The following ANKH variants were observed in gnomAD, a reference collection of about 807,000 sequenced individuals.
ANKH encodes the protein ANKH inorganic pyrophosphate transport regulator, also known as mineralization regulator ANKH.
A neutral mutation model predicts 49.0 loss-of-function variants in ANKH; 15 were observed. The observed-to-expected ratio is 0.31, with a 90% CI of 0.20 to 0.47. The LOEUF (loss-of-function observed/expected upper bound fraction) is 0.47. Ranked by LOEUF, ANKH falls within the 20% of genes least tolerant of loss-of-function variation. The pLI is 1.00. For synonymous variants in ANKH, 273 were observed against 260.0 expected (o/e 1.05, Z -0.48); for missense variants, 429 against 652.0 (o/e 0.66, Z 3.72).
chr5:14,746,112 G>A (rs958398357), intron 6 of ANKH, 150 bp from the exon 7 acceptor site: 30 of 709,784 alleles, frequency 4.2e-5, no homozygotes, highest in African/African-American at 1.4e-4. Flanking sequence ...AGCACAGGAC[G>A]GCCCAGGACG....
chr5:14,729,906 GC>G (rs1428904519), intron 8 of ANKH, among the ~76,000 whole-genome samples: 1 of 152,160 alleles, frequency 6.6e-6, no homozygotes, highest in Non-Finnish European at 1.5e-5. Context: ...CTCCTGAGTT[GC>G]TCTCTCTGCG....
chr5:14,797,655 T>C, intron 1 of ANKH: 1 of 1,600,824 alleles, frequency 6.2e-7, no homozygotes, highest in Middle Eastern at 2.3e-4. Flanking sequence ...CAGTTTCTGA[T>C]CATCAGCAAC....
chr5:14,853,433 C>T (rs1268641578), intron 1 of ANKH, among the ~76,000 whole-genome samples: 2 of 152,012 alleles, frequency 1.3e-5, no homozygotes, highest in Non-Finnish European at 2.9e-5. Flanking sequence ...AAAAATTAGC[C>T]GGGTGTGGCA....
At chr5:14,711,802 C>T (rs1240109911) in intron 11 of ANKH, among the ~76,000 whole-genome samples, 1 of 152,248 alleles carries the variant, frequency 6.6e-6, no homozygotes, top group Admixed American at 6.5e-5. Context: ...CACTTCCCTG[C>T]CATGTTGCCT....
At chr5:14,748,921 C>T (rs1738624239) in intron 6 of ANKH, among the ~76,000 whole-genome samples, 3 of 152,224 alleles carry the variant, frequency 2.0e-5, no homozygotes, top group Non-Finnish European at 4.4e-5. Context: ...CTTTCTGTGC[C>T]TCAGTTCCTC....
rs540402640 is a variant in ANKH at position 14,725,410 on chromosome 5, G to A, written c.1012-8575C>T. Among the ~76,000 whole-genome samples, 6 of 152,190 alleles carry A rather than the reference G, an allele frequency of 3.9e-5. No individual in the cohort carries two copies. In the South Asian group the frequency reaches 6.2e-4, roughly 16 times the overall value. ...AAGAAAGTCTTGCCATCCAAACAAC[G>A]CCAGCTGAACTGGACATCATACCTG... On this transcript the variant is annotated intron_variant, in intron 8 of 11. Coordinates refer to ENST00000284268, the MANE Select transcript of ANKH (RefSeq NM_054027.6). The surrounding 1 kb of genome is among the most constrained non-coding windows in gnomAD (Gnocchi z 4.0).
intron 2 of ANKH, 122 bp downstream of exon 2, chr5:14,768,853 T>G: frequency 8.7e-7 from 1 of 1,150,194 alleles, no homozygotes; most frequent in Non-Finnish European, 1.3e-6. Flanking sequence ...CCCTGAAAAT[T>G]TCATAAGAAA....
Position 14,708,091 on chromosome 5 carries a change from AGTT to A in ANKH, c.*3103_*3105del, listed in dbSNP as rs1402017068. ...AAGCCTCGTCTAGTTCTTTTTGCTC[AGTT>A]GTTGTCTCACTGACGCCCTTTGCCA... On this transcript the variant is annotated 3_prime_UTR_variant, in exon 12 of 12. Transcript: ENST00000284268. 2 of 152,168 alleles carry A rather than the reference AGTT, an allele frequency of 1.3e-5. No homozygotes were observed. Among genetic ancestry groups the A allele is most frequent in the African/African-American group, 2.4e-5 (1 of 41,438 alleles). 9.4% of individuals were successfully genotyped at this position (152,168 alleles called of 1,614,324 possible).
Position 14,713,775 on chromosome 5 carries a change from C to A in ANKH, c.1142-108G>T. On this transcript the variant is annotated intron_variant, in intron 9 of 11. Transcript: ENST00000284268. The surrounding 1 kb of genome is among the most constrained non-coding windows in gnomAD (Gnocchi z 4.4). ...CGAGAGCCAGGGGCTGCCTAGGACC[C>A]TGGCCTTGCTGTTGAGCCGCTGGCC... The A allele has an allele frequency of 6.6e-7, 1 of 1,523,770 alleles. No homozygotes were observed. 94.4% of individuals were successfully genotyped at this position (1,523,770 alleles called of 1,614,324 possible).
chr5:14,734,198 C>T (rs1738095573), intron 8 of ANKH, among the ~76,000 whole-genome samples: 1 of 152,154 alleles, frequency 6.6e-6, no homozygotes, highest in Non-Finnish European at 1.5e-5. Flanking sequence ...CCTGCTCCAC[C>T]CTGACTCATT....
intron 1 of ANKH, among the ~76,000 whole-genome samples, chr5:14,823,886 C>T (rs1248809979): frequency 1.3e-5 from 2 of 152,108 alleles, no homozygotes; most frequent in African/African-American, 4.8e-5. Flanking sequence ...GTGGAGATCA[C>T]GCCACTGCAC....
At chr5:14,758,409 G>C in intron 3 of ANKH, 71 bp downstream of exon 3, 2 of 1,198,184 alleles carry the variant, frequency 1.7e-6, no homozygotes, top group Non-Finnish European at 2.5e-6. Context: ...TAAAATGGTA[G>C]ATTTTATATT....
chr5:14,802,734 G>A (rs1014495753), intron 1 of ANKH, among the ~76,000 whole-genome samples: 2 of 151,782 alleles, frequency 1.3e-5, no homozygotes, highest in Non-Finnish European at 2.9e-5. Context: ...CCCCCTGGCT[G>A]CTCCTACACA....
intron 2 of ANKH, among the ~76,000 whole-genome samples, chr5:14,766,778 C>T: frequency 6.6e-6 from 1 of 152,320 alleles, no homozygotes; most frequent in Admixed American, 6.5e-5. Context: ...GTAGGCCCCA[C>T]CCAGGAGCTG....
At chr5:14,774,781 C>A (rs1739558420) in intron 1 of ANKH, among the ~76,000 whole-genome samples, 3 of 152,228 alleles carry the variant, frequency 2.0e-5, no homozygotes, top group African/African-American at 7.2e-5. Context: ...AAGCAGAGAC[C>A]TTTGTTTCAC....
chr5:14,769,572 G>A (rs1311192604), intron 1 of ANKH, among the ~76,000 whole-genome samples: 1 of 152,110 alleles, frequency 6.6e-6, no homozygotes, highest in African/African-American at 2.4e-5. Context: ...CTGAAAACGA[G>A]TCTAACAGTT....
intron 1 of ANKH, among the ~76,000 whole-genome samples, chr5:14,799,086 C>T (rs1009250430): frequency 2.6e-5 from 4 of 152,220 alleles, no homozygotes; most frequent in African/African-American, 9.7e-5. Context: ...AGCCTTATTG[C>T]TGATACGGAG....
Position 14,745,395 on chromosome 5 carries a change from A to C in ANKH, c.915+475T>G, listed in dbSNP as rs697566. Among the ~76,000 whole-genome samples the C allele has an allele frequency of 0.32, 48,256 of 152,002 alleles. 8,744 individuals are homozygous for C. Among genetic ancestry groups the C allele is most frequent in the African/African-American group, 0.51 (20,939 of 41,404 alleles). Reference sequence around the variant, plus strand: ...AGGCTTTCCACTGGAATACGTCTGCAATATCAAAACACTGGACCCAGGTCT... The same window carrying C: ...AGGCTTTCCACTGGAATACGTCTGCCATATCAAAACACTGGACCCAGGTCT... On this transcript the variant is annotated intron_variant, in intron 7 of 11. Coordinates refer to ENST00000284268, the MANE Select transcript of ANKH (RefSeq NM_054027.6). The surrounding 1 kb of genome is among the most constrained non-coding windows in gnomAD (Gnocchi z 4.7).
rs1206078980 is a variant in ANKH, at chr5:14,871,613, G to T, written c.-166C>A. 1.6e-5 allele frequency: 3 copies of T among 183,448 alleles called. No homozygotes were observed. The highest frequency in any genetic ancestry group is 3.2e-5 in the Non-Finnish European group (3 of 94,420). 11.4% of individuals were successfully genotyped at this position (183,448 alleles called of 1,614,324 possible). The stretch of plus-strand genomic sequence containing the variant: ...GGCGGCTCCTCCTCGCGGCTGCGGC[G>T]CCTTCTCCGAGCGCGGCTGCTCTAG... On this transcript the variant is annotated 5_prime_UTR_variant, in exon 1 of 12. Transcript: ENST00000284268.
Sources: gnomAD v4.1 joint callset for allele counts (sites outside exome capture counted in the v4.1 genomes callset) on GRCh38, gnomAD v4.1.1 for gene constraint, Gnocchi (gnomAD v3.1) non-coding constraint, MANE v1.5 for transcripts, NCBI Gene and HGNC (gene_info 2026-07-23, HGNC 2026-07-21) for gene names.